KLHL20: variants seen among roughly 807,000 people sequenced by gnomAD.
KLHL20 encodes kelch-like protein 20.
A neutral mutation model predicts 69.5 loss-of-function variants in KLHL20; 29 were observed. The ratio of observed to expected loss-of-function variants is 0.42; its 90% CI spans 0.31 to 0.57. The LOEUF (loss-of-function observed/expected upper bound fraction) is 0.57. KLHL20 is among the 20% of genes least tolerant of loss of function. The probability of loss-of-function intolerance (pLI) is 0.18; values close to 1 mark genes in which losing one functional copy is unlikely to be tolerated. For missense variants in KLHL20, 419 were observed against 776.0 expected (o/e 0.54, Z 5.47); for synonymous variants, 253 against 265.2 (o/e 0.95, Z 0.45).
intron 3 of KLHL20, among the ~76,000 whole-genome samples, chr1:173,735,856 G>A (rs897496705): frequency 6.6e-6 from 1 of 150,824 alleles, no homozygotes; most frequent in East Asian, 1.9e-4. Context: ...ATCATTTTTG[G>A]TTTTCCATTC....
chr1:173,774,636 A>G (rs1648336561), intron 9 of KLHL20, among the ~76,000 whole-genome samples, 198 bp downstream of exon 9: 1 of 152,082 alleles, frequency 6.6e-6, no homozygotes, highest in Non-Finnish European at 1.5e-5. Flanking sequence ...TTCCCCAAAT[A>G]TTTATTTCTT....
At chr1:173,740,766 C>CT (rs1672769933) in intron 3 of KLHL20, among the ~76,000 whole-genome samples, 1 of 151,908 alleles carries the variant, frequency 6.6e-6, no homozygotes, top group Non-Finnish European at 1.5e-5. Flanking sequence ...GGCCTTGCCC[C>CT]TCCCTGTCTG....
chr1:173,778,632 C>T (rs990663528), intron 10 of KLHL20, among the ~76,000 whole-genome samples: 5 of 152,168 alleles, frequency 3.3e-5, no homozygotes, highest in East Asian at 1.9e-4. Flanking sequence ...AGCCACCACA[C>T]TTAGCCTTAT....
At chr1:173,784,958 A>G (rs1649112509) in intron 11 of KLHL20, among the ~76,000 whole-genome samples, 2 of 152,226 alleles carry the variant, frequency 1.3e-5, no homozygotes, top group African/African-American at 2.4e-5. Context: ...ATGTCAGTCA[A>G]TCTCTGAAAC....
chr1:173,757,686 A>G (rs1015160163), intron 7 of KLHL20, among the ~76,000 whole-genome samples: 3 of 152,040 alleles, frequency 2.0e-5, no homozygotes, highest in African/African-American at 4.8e-5. Context: ...AAAAAGAAAA[A>G]AAAGACTTAC....
At chr1:173,781,152 C>T (rs756596853) in intron 10 of KLHL20, among the ~76,000 whole-genome samples, 2 of 151,962 alleles carry the variant, frequency 1.3e-5, no homozygotes, top group Non-Finnish European at 2.9e-5. Flanking sequence ...AGCAGTTAAT[C>T]CAGTTTTACT....
chr1:173,753,370 T>G (rs1673395163), intron 5 of KLHL20, 63 bp downstream of exon 5: 1 of 1,170,552 alleles, frequency 8.5e-7, no homozygotes. Context: ...CCTAATTTCC[T>G]TATTTGTATT....
chr1:173,716,591 T>C (rs1397444072), intron 2 of KLHL20, among the ~76,000 whole-genome samples: 1 of 152,128 alleles, frequency 6.6e-6, no homozygotes, highest in African/African-American at 2.4e-5. Context: ...AATAGAACAA[T>C]GTCTGGGAAA....
At chr1:173,767,901 C>CT (rs924173773) in intron 8 of KLHL20, among the ~76,000 whole-genome samples, 60 of 152,136 alleles carry the variant, frequency 3.9e-4, no homozygotes, top group Non-Finnish European at 3.7e-4. Context: ...TGTAATCTTA[C>CT]TTTTTTTGCT....
chr1:173,721,800 T>C (rs1438706710), intron 2 of KLHL20, among the ~76,000 whole-genome samples: 4 of 152,200 alleles, frequency 2.6e-5, no homozygotes, highest in Non-Finnish European at 4.4e-5. Context: ...AGTGACACTT[T>C]GAGATGTTAT....
chr1:173,753,447 G>C, intron 5 of KLHL20, 140 bp downstream of exon 5: 1 of 645,982 alleles, frequency 1.5e-6, no homozygotes, highest in South Asian at 1.9e-5. Context: ...TTTCTTCTGG[G>C]CTAGAGTCAA....
At chr1:173,733,381 G>A (rs1224082002) in intron 2 of KLHL20, among the ~76,000 whole-genome samples, 1 of 151,964 alleles carries the variant, frequency 6.6e-6, no homozygotes, top group East Asian at 1.9e-4. Context: ...GTGTTAACTT[G>A]GGCTTAATTT....
chr1:173,753,307 G>A lies in KLHL20; in HGVS notation c.851G>A (p.Arg284Lys). 5.6e-6 allele frequency: 9 copies of A among 1,610,724 alleles called. No homozygotes were observed. Among genetic ancestry groups the A allele is most frequent in the Non-Finnish European group, 7.6e-6 (9 of 1,176,946 alleles). Residue 284 changes from arginine to lysine, a missense_variant and splice_region_variant, in exon 5 of 12, where the codon AGA becomes AAA. Arg to Lys is a conservative substitution (Grantham distance 26). Coordinates refer to ENST00000209884, the MANE Select transcript of KLHL20 (RefSeq NM_014458.4). ...DPLIKSDEEC[R>K]DLVDEAKNYL... ...CTCATCAAAAGTGATGAAGAATGCA[G>A]GTATGAGTGACCCTGGATGGGAAAA...
intron 8 of KLHL20, among the ~76,000 whole-genome samples, chr1:173,773,639 A>T (rs1648252585): frequency 1.3e-5 from 2 of 152,068 alleles, no homozygotes. Flanking sequence ...AAAAAGACAA[A>T]TTACAAAAAT....
intron 7 of KLHL20, among the ~76,000 whole-genome samples, chr1:173,757,606 A>G (rs1339362198): frequency 6.6e-6 from 1 of 150,574 alleles, no homozygotes; most frequent in Non-Finnish European, 1.5e-5. Flanking sequence ...CAGAGCTTGC[A>G]GTGAGCCGAG....
At chr1:173,739,742 C>T (rs894603456) in intron 3 of KLHL20, among the ~76,000 whole-genome samples, 1 of 150,380 alleles carries the variant, frequency 6.6e-6, no homozygotes, top group African/African-American at 2.5e-5. Context: ...ACCTCTGCCT[C>T]CCGGGTTCAA....
intron 2 of KLHL20, among the ~76,000 whole-genome samples, chr1:173,718,092 T>G (rs1246001974): frequency 6.6e-6 from 1 of 152,122 alleles, no homozygotes; most frequent in Non-Finnish European, 1.5e-5. Context: ...TCTTTTCACT[T>G]TTTTAATTTC....
chr1:173,763,064 C>T (rs1454844096), intron 7 of KLHL20, among the ~76,000 whole-genome samples: 4 of 152,196 alleles, frequency 2.6e-5, no homozygotes, highest in African/African-American at 9.6e-5. Context: ...AAATCAGTAG[C>T]TCTTCTATAC....
chr1:173,755,059 C>CT (rs372616022), intron 5 of KLHL20, among the ~76,000 whole-genome samples: 41,525 of 133,468 alleles, frequency 0.31, 6,996 homozygotes, highest in African/African-American at 0.41. Flanking sequence ...AAGTCTTTGT[C>CT]TTTTTTTTTT....
Sources: gnomAD v4.1 joint callset for allele counts (sites outside exome capture counted in the v4.1 genomes callset) on GRCh38, gnomAD v4.1.1 for gene constraint, MANE v1.5 for transcripts, NCBI Gene and HGNC (gene_info 2026-07-23, HGNC 2026-07-21) for gene names.